MRPS6: variants seen among roughly 807,000 people sequenced by gnomAD.
MRPS6 encodes the protein mitochondrial ribosomal protein S6.
A neutral mutation model predicts 13.1 loss-of-function variants in MRPS6; 6 were observed. That is an observed-to-expected ratio of 0.46 (90% confidence interval 0.25 to 0.91). The LOEUF (loss-of-function observed/expected upper bound fraction) is 0.91, where lower values mean the gene tolerates loss of function less well. Ranked by LOEUF, MRPS6 falls within the 40% of genes least tolerant of loss-of-function variation. MRPS6 has a pLI of 0.18. For missense variants in MRPS6, 164 were observed against 155.6 expected, an observed-to-expected ratio of 1.05 and a Z score of -0.29; for synonymous variants, 61 against 56.5, an observed-to-expected ratio of 1.08 and a Z score of -0.36.
intron 1 of MRPS6, among the ~76,000 whole-genome samples, chr21:34,108,466 T>C (rs1979569982): frequency 6.6e-6 from 1 of 152,150 alleles, no homozygotes; most frequent in South Asian, 2.1e-4. Context: ...CACTTTATGA[T>C]TGTACAAAGC....
chr21:34,116,369 T>G (rs1220988151), intron 1 of MRPS6, among the ~76,000 whole-genome samples: 4 of 151,330 alleles, frequency 2.6e-5, no homozygotes, highest in Non-Finnish European at 4.4e-5. Flanking sequence ...ACAGGTGGTG[T>G]TTGGTTACAT....
At chr21:34,140,004 A>G (rs1362655501) in intron 2 of MRPS6, among the ~76,000 whole-genome samples, 1 of 152,148 alleles carries the variant, frequency 6.6e-6, no homozygotes, top group Non-Finnish European at 1.5e-5. Flanking sequence ...GTCTGGCTAT[A>G]GAGGCCCTTA....
At chr21:34,139,110 C>A (rs143015398) in intron 2 of MRPS6, among the ~76,000 whole-genome samples, 8,192 of 146,164 alleles carry the variant, frequency 0.056, 265 homozygotes, top group Middle Eastern at 0.14. Flanking sequence ...ACCGCATGTT[C>A]TCACTCATAG....
intron 2 of MRPS6, chr21:34,136,024 G>A: frequency 3.6e-6 from 1 of 277,068 alleles, no homozygotes; most frequent in Non-Finnish European, 7.0e-6. Flanking sequence ...CAAAGAGCTT[G>A]GTGTCAGGGG....
intron 1 of MRPS6, among the ~76,000 whole-genome samples, chr21:34,091,154 T>G (rs1346209108): frequency 6.6e-6 from 1 of 152,258 alleles, no homozygotes; most frequent in Non-Finnish European, 1.5e-5. Context: ...AGTGCTGGAC[T>G]AGGCGTCTCA....
rs542069855 is a variant in MRPS6, at chr21:34,096,670, A to G, written c.45+22925A>G. ...GTCCGTTTGATACTGGCCTTTGCCTACCGTGCCCCAGAATGTGACCAACCT... is the reference window on the plus strand; with the variant it reads ...GTCCGTTTGATACTGGCCTTTGCCTGCCGTGCCCCAGAATGTGACCAACCT... On this transcript the variant is annotated intron_variant, in intron 1 of 2. Transcript: ENST00000399312. This position sits in a 1 kb window ranked among gnomAD's most constrained non-coding sequence, Gnocchi z 5.9. 3.1e-6 allele frequency: 5 copies of G among 1,614,118 alleles called. No homozygotes were observed. The highest frequency in any genetic ancestry group is 2.2e-5 in the South Asian group (2 of 91,086).
Position 34,073,617 on chromosome 21 carries a change from A to G in MRPS6, c.-84A>G, listed in dbSNP as rs939437058. 1.4e-5 allele frequency: 17 copies of G among 1,228,856 alleles called. No individual in the cohort carries two copies. The highest frequency in any genetic ancestry group is 6.5e-5 in the South Asian group (5 of 76,760). 76.1% of individuals were successfully genotyped at this position (1,228,856 alleles called of 1,614,324 possible). ...GGAGCCGTCCGGCGCAGCAGTTTCT[A>G]GGTCCCCACTGTCCCCGCCGTCCCG... On this transcript the variant is annotated 5_prime_UTR_variant, in exon 1 of 3. Coordinates refer to ENST00000399312, the MANE Select transcript of MRPS6 (RefSeq NM_032476.4).
chr21:34,084,783 TTTTC>T (rs1254155089), intron 1 of MRPS6, among the ~76,000 whole-genome samples: 1 of 152,236 alleles, frequency 6.6e-6, no homozygotes, highest in African/African-American at 2.4e-5. Flanking sequence ...CTCACCTCTG[TTTTC>T]TTTATCTTAA....
At chr21:34,138,935 C>T (rs1380110626) in intron 2 of MRPS6, among the ~76,000 whole-genome samples, 1 of 151,710 alleles carries the variant, frequency 6.6e-6, no homozygotes, top group Non-Finnish European at 1.5e-5. Flanking sequence ...TTGGAACCAA[C>T]CCAAATGTCC....
chr21:34,116,983 C>T (rs1979943966), intron 1 of MRPS6, among the ~76,000 whole-genome samples: 1 of 152,188 alleles, frequency 6.6e-6, no homozygotes, highest in African/African-American at 2.4e-5. Context: ...TCCGACCTTT[C>T]AGAAGGTTTA....
intron 1 of MRPS6, among the ~76,000 whole-genome samples, chr21:34,114,182 ATGTCCTT>A (rs1191475323): frequency 1.3e-5 from 2 of 152,180 alleles, no homozygotes; most frequent in Non-Finnish European, 2.9e-5. Context: ...GGACTTTAAA[ATGTCCTT>A]AGAATAGCAA....
In MRPS6 at chr21:34,102,651, C is replaced by T. The variant is rs563671687; in HGVS notation, c.46-22690C>T. The stretch of plus-strand genomic sequence containing the variant: ...TCTTAAATTTGGTTACCTGGGTTCA[C>T]AGCTTGCTTGAAGAGAAAGGATGCT... On this transcript the variant is annotated intron_variant, in intron 1 of 2. Transcript: ENST00000399312. The T allele has an allele frequency of 4.2e-4, 419 of 1,000,130 alleles. 3 individuals are homozygous for T. In the South Asian group the frequency reaches 9.8e-3, roughly 23 times the overall value. 62.0% of individuals were successfully genotyped at this position (1,000,130 alleles called of 1,614,324 possible). A position where few individuals can be genotyped will look rare whatever the true frequency, so the allele number is the denominator to read the frequency against.
chr21:34,075,907 T>C (rs1989319118), intron 1 of MRPS6, among the ~76,000 whole-genome samples: 1 of 152,220 alleles, frequency 6.6e-6, no homozygotes, highest in Admixed American at 6.5e-5. Flanking sequence ...GACTGTGAGC[T>C]TGCACACCGG....
At chr21:34,097,493 A>G (rs1979021139) in intron 1 of MRPS6, 1 of 1,428,252 alleles carries the variant, frequency 7.0e-7, no homozygotes, top group Admixed American at 2.9e-5. Context: ...AAAATCATCT[A>G]ATTACAAGAC....
At chr21:34,130,783 C>T (rs1339964364) in intron 2 of MRPS6, among the ~76,000 whole-genome samples, 1 of 152,218 alleles carries the variant, frequency 6.6e-6, no homozygotes, top group Non-Finnish European at 1.5e-5. Context: ...TCAGTCATCT[C>T]CTCACTTCCA....
Position 34,116,178 on chromosome 21 carries a change from T to G in MRPS6, c.46-9163T>G, listed in dbSNP as rs78803286. Among the ~76,000 whole-genome samples, 267 of 141,376 alleles carry G rather than the reference T, an allele frequency of 1.9e-3. 4 individuals carry two copies. Among genetic ancestry groups the G allele is most frequent in the African/African-American group, 6.7e-3 (253 of 37,530 alleles). 92.7% of individuals were successfully genotyped at this position (141,376 alleles called of 152,430 possible). The stretch of plus-strand genomic sequence containing the variant: ...TGTGTCCCACCATGCCCAGCTAATT[T>G]TGTGTGTGTGTGTGTGTGTGTGTGT... On this transcript the variant is annotated intron_variant, in intron 1 of 2. Coordinates refer to ENST00000399312, the MANE Select transcript of MRPS6 (RefSeq NM_032476.4).
intron 1 of MRPS6, among the ~76,000 whole-genome samples, chr21:34,108,452 A>G (rs1979569435): frequency 6.6e-6 from 1 of 152,212 alleles, no homozygotes; most frequent in Non-Finnish European, 1.5e-5. Flanking sequence ...GGTGTGCAGA[A>G]GTACACTTTA....
chr21:34,103,756 A>G, intron 1 of MRPS6: 2 of 1,000,046 alleles, frequency 2.0e-6, no homozygotes, highest in Non-Finnish European at 2.4e-6. Context: ...ATGGTAAGGG[A>G]CCCAAAGGAA....
chr21:34,098,718 C>T (rs2148660462), intron 1 of MRPS6: 4 of 1,000,176 alleles, frequency 4.0e-6, no homozygotes, highest in Non-Finnish European at 4.8e-6. Flanking sequence ...AATTATAGGA[C>T]TCTAACTTGA....
Sources: allele counts gnomAD v4.1 joint callset (sites outside exome capture counted in the v4.1 genomes callset), GRCh38; gene constraint gnomAD v4.1.1; non-coding constraint Gnocchi (gnomAD v3.1); transcripts MANE v1.5; gene names NCBI Gene and HGNC (gene_info 2026-07-23, HGNC 2026-07-21).